NELL1: variants seen among roughly 807,000 people sequenced by gnomAD.
The protein encoded by NELL1 is neural EGFL like 1.
Under a neutral mutation model 107.4 loss-of-function variants are expected in NELL1, and 76 were observed. The ratio of observed to expected loss-of-function variants is 0.71; its 90% CI spans 0.59 to 0.86. The LOEUF (loss-of-function observed/expected upper bound fraction) is 0.86, where lower values mean the gene tolerates loss of function less well. Among genes scored for constraint, NELL1 ranks in the 40% least tolerant of loss-of-function variants. NELL1 has a pLI of 0.00. For missense variants in NELL1, 1,024 were observed against 1,005.5 expected, an observed-to-expected ratio of 1.02 and a Z score of -0.25; for synonymous variants, 353 against 341.2, an observed-to-expected ratio of 1.03 and a Z score of -0.38.
chr11:21,408,996 G>A (rs1172694762), intron 15 of NELL1, among the ~76,000 whole-genome samples: 1 of 151,992 alleles, frequency 6.6e-6, no homozygotes, highest in Non-Finnish European at 1.5e-5. Flanking sequence ...CTGCAAACTA[G>A]TTCAACCATT....
intron 3 of NELL1, among the ~76,000 whole-genome samples, chr11:20,808,544 C>T (rs1296611113): frequency 7.2e-5 from 11 of 152,210 alleles, no homozygotes; most frequent in Admixed American, 7.2e-4. Context: ...TCACATGGCC[C>T]CCAGGTTAGC....
intron 14 of NELL1, among the ~76,000 whole-genome samples, chr11:21,261,556 C>T (rs4641471): frequency 0.18 from 26,780 of 151,654 alleles, 3,092 homozygotes; most frequent in Middle Eastern, 0.28. Flanking sequence ...GAGGAAGATA[C>T]TATTACCTAC....
chr11:20,878,194 A>C (rs1849341243), intron 4 of NELL1, among the ~76,000 whole-genome samples: 1 of 151,710 alleles, frequency 6.6e-6, no homozygotes, highest in Non-Finnish European at 1.5e-5. Context: ...ACCCATCTCT[A>C]CTAAAAATAC....
chr11:21,287,221 G>A (rs1392112124), intron 14 of NELL1, among the ~76,000 whole-genome samples: 1 of 151,914 alleles, frequency 6.6e-6, no homozygotes, highest in Admixed American at 6.6e-5. Flanking sequence ...CTTGAATCTG[G>A]CAACCCCTCT....
chr11:20,905,567 A>C (rs1344348997), intron 5 of NELL1, among the ~76,000 whole-genome samples: 2 of 152,204 alleles, frequency 1.3e-5, no homozygotes, highest in African/African-American at 2.4e-5. Flanking sequence ...AAAAATGAGA[A>C]TATCAATGAA....
intron 13 of NELL1, among the ~76,000 whole-genome samples, chr11:21,180,611 G>A (rs1856807109): frequency 6.6e-6 from 1 of 151,680 alleles, no homozygotes; most frequent in African/African-American, 2.4e-5. Context: ...TTTGAAGGGA[G>A]ATTTTTGTTC....
At chr11:20,877,729 G>A (rs562509725) in intron 4 of NELL1, among the ~76,000 whole-genome samples, 1 of 152,250 alleles carries the variant, frequency 6.6e-6, no homozygotes, top group South Asian at 2.1e-4. Context: ...CTCTCAAGCA[G>A]GTTTTACATT....
At chr11:21,509,516 G>A (rs1286126052) in intron 15 of NELL1, among the ~76,000 whole-genome samples, 1 of 152,040 alleles carries the variant, frequency 6.6e-6, no homozygotes, top group Non-Finnish European at 1.5e-5. Context: ...AACAAATTAG[G>A]CTTACTTTTT....
intron 5 of NELL1, among the ~76,000 whole-genome samples, chr11:20,889,877 G>A (rs1430714656): frequency 1.3e-5 from 2 of 152,210 alleles, no homozygotes; most frequent in Non-Finnish European, 2.9e-5. Flanking sequence ...GCCCCTAGCG[G>A]GAGAGGTGGC....
In NELL1 at chr11:20,903,117, A is replaced by G. The variant is rs148167285; in HGVS notation, c.604-15065A>G. Among the ~76,000 whole-genome samples the G allele has an allele frequency of 9.1e-4, 139 of 152,196 alleles. 2 individuals carry two copies. The East Asian group carries it at 0.015, about 16-fold the overall frequency. On this transcript the variant is annotated intron_variant, in intron 5 of 19. Coordinates refer to ENST00000357134, the MANE Select transcript of NELL1 (RefSeq NM_006157.5). Reference sequence around the variant, plus strand: ...AAATATTCAAAATGTTTAAAATGGCATACTTTTTCAGGGTGATAATCCACA... The same window carrying G: ...AAATATTCAAAATGTTTAAAATGGCGTACTTTTTCAGGGTGATAATCCACA...
At chr11:20,881,714 G>GC (rs1554937251) in intron 4 of NELL1, among the ~76,000 whole-genome samples, 2 of 147,618 alleles carry the variant, frequency 1.4e-5, no homozygotes, top group Non-Finnish European at 3.0e-5. Flanking sequence ...ATTCTGTTTT[G>GC]TTTTTTTTTT....
chr11:21,090,576 G>T (rs1854498010), intron 12 of NELL1, among the ~76,000 whole-genome samples: 1 of 152,148 alleles, frequency 6.6e-6, no homozygotes, highest in African/African-American at 2.4e-5. Context: ...GAAAGACCTG[G>T]TATATTGAGC....
chr11:20,712,234 C>T (rs1218505720), intron 2 of NELL1, among the ~76,000 whole-genome samples: 1 of 152,020 alleles, frequency 6.6e-6, no homozygotes, highest in African/African-American at 2.4e-5. Context: ...TCTACTTGTT[C>T]TAGTCTATTG....
intron 15 of NELL1, among the ~76,000 whole-genome samples, chr11:21,375,116 G>A (rs1432407006): frequency 1.3e-5 from 2 of 152,026 alleles, no homozygotes; most frequent in Non-Finnish European, 2.9e-5. Flanking sequence ...ACTGCATGAT[G>A]CAATAAAATC....
chr11:21,272,287 A>G (rs915414074), intron 14 of NELL1, among the ~76,000 whole-genome samples: 1 of 152,206 alleles, frequency 6.6e-6, no homozygotes, highest in Non-Finnish European at 1.5e-5. Flanking sequence ...CCCTACGCCC[A>G]TGGAGTCTCA....
intron 9 of NELL1, among the ~76,000 whole-genome samples, chr11:20,937,511 A>G (rs1006260084): frequency 6.6e-6 from 1 of 152,242 alleles, no homozygotes; most frequent in Admixed American, 6.5e-5. Context: ...TTCTTACTAC[A>G]TCAGTTCATT....
intron 15 of NELL1, among the ~76,000 whole-genome samples, chr11:21,425,200 A>G (rs144363823): frequency 5.0e-4 from 76 of 152,330 alleles, no homozygotes; most frequent in African/African-American, 1.6e-3. Flanking sequence ...AGCAATCCCA[A>G]TGACTCAACA....
Position 20,873,291 on chromosome 11 carries a change from CCT to C in NELL1, c.507-12148_507-12147del, listed in dbSNP as rs141982014. On this transcript the variant is annotated intron_variant, in intron 4 of 19. Coordinates refer to ENST00000357134, the MANE Select transcript of NELL1 (RefSeq NM_006157.5). Reference sequence around the variant, plus strand: ...GAGTGATTTCACAGGTTAATGCTCCCCTCTCTTCCTATAAGATTGTGGCTTTT... The same window carrying C: ...GAGTGATTTCACAGGTTAATGCTCCCCTCTTCCTATAAGATTGTGGCTTTT... 8.7e-3 allele frequency among the ~76,000 whole-genome samples: 1,326 copies of C among 152,152 alleles called. 12 individuals are homozygous for C. The highest frequency in any genetic ancestry group is 0.03 in the African/African-American group (1,233 of 41,514).
chr11:20,707,809 A>G (rs1342849865), intron 2 of NELL1, among the ~76,000 whole-genome samples: 1 of 152,208 alleles, frequency 6.6e-6, no homozygotes. Context: ...CCACTTGAGG[A>G]GGCAGTCTGT....
Sources: gnomAD v4.1 joint callset for allele counts (sites outside exome capture counted in the v4.1 genomes callset) on GRCh38, gnomAD v4.1.1 for gene constraint, MANE v1.5 for transcripts, NCBI Gene and HGNC (gene_info 2026-07-23, HGNC 2026-07-21) for gene names.